HELZ: variants seen among roughly 807,000 people sequenced by gnomAD.
HELZ encodes the protein ATP-dependent RNA helicase with zinc finger domain.
HELZ carries 23 observed loss-of-function variants against 218.2 expected under a neutral mutation model. The observed-to-expected ratio is 0.11, with a 90% confidence interval of 0.08 to 0.15. The LOEUF (loss-of-function observed/expected upper bound fraction) is 0.15, where lower values mean the gene tolerates loss of function less well. HELZ is among the 10% of genes least tolerant of loss of function. The pLI is 1.00. For synonymous variants in HELZ, 814 were observed against 829.4 expected, an observed-to-expected ratio of 0.98 and a Z score of 0.32; for missense variants, 1,813 against 2,353.7, an observed-to-expected ratio of 0.77 and a Z score of 4.75.
At chr17:67,222,976 G>A (rs1184351516) in intron 3 of HELZ, among the ~76,000 whole-genome samples, 1 of 152,088 alleles carries the variant, frequency 6.6e-6, no homozygotes, top group Non-Finnish European at 1.5e-5. Context: ...GGCCGGGCAC[G>A]GTGGCTCACG....
intron 5 of HELZ, among the ~76,000 whole-genome samples, chr17:67,209,004 A>AAAGGAAGG (rs145781100): frequency 6.1e-5 from 8 of 130,184 alleles, no homozygotes; most frequent in South Asian, 5.5e-4. Context: ...AGGAAGGCAA[A>AAAGGAAGG]AAGGAAGGAA....
At position 67,109,557 on chromosome 17, in the gene HELZ, G is replaced by A. The variant is rs775515478; in HGVS notation, c.4048C>T (p.His1350Tyr). 1.5e-5 allele frequency: 25 copies of A among 1,614,070 alleles called. No individual in the cohort carries two copies. In the Admixed American group the frequency reaches 4.0e-4, roughly 26 times the overall value. The change falls in exon 29 of 33, where the codon CAC becomes TAC. Residue 1350 changes from histidine (H) to tyrosine (Y), a missense_variant. His to Tyr is a moderately conservative substitution (Grantham distance 83). This residue lies in a region of HELZ where 938 missense variants were observed against 1,027.5 expected (regional missense o/e 0.91). Coordinates refer to ENST00000358691, the MANE Select transcript of HELZ (RefSeq NM_014877.4). ...RHINLPLPAP[H>Y]AQYAIPNRHF... ...CGATTAGGGATTGCATACTGTGCGT[G>A]GGGAGCAGGAAGGGGAAGATTTATG...
chr17:67,127,086 C>T (rs1011076430), intron 24 of HELZ, among the ~76,000 whole-genome samples: 3 of 152,186 alleles, frequency 2.0e-5, no homozygotes, highest in Non-Finnish European at 4.4e-5. Flanking sequence ...CTTAAGTGAG[C>T]TTATCTTCCA....
Position 67,120,387 on chromosome 17 carries a change from C to T in HELZ, c.3838+18G>A. ...TGTCATCAGTTTATGAACAGGAGAA[C>T]AGCGAAGTACAACTTACCATTTCGA... On this transcript the variant is annotated intron_variant, in intron 27 of 32. Coordinates refer to ENST00000358691, the MANE Select transcript of HELZ (RefSeq NM_014877.4). The T allele has an allele frequency of 2.5e-6, 4 of 1,600,320 alleles. No homozygotes were observed. The South Asian group carries it at 4.4e-5, about 18-fold the overall frequency.
At chr17:67,221,874 C>T (rs1329363954) in intron 3 of HELZ, among the ~76,000 whole-genome samples, 4 of 147,758 alleles carry the variant, frequency 2.7e-5, no homozygotes, top group East Asian at 2.0e-4. Context: ...GACAGAGTCT[C>T]GCTGCGCAGC....
intron 7 of HELZ, among the ~76,000 whole-genome samples, chr17:67,198,866 T>C (rs1278295943): frequency 6.6e-6 from 1 of 152,218 alleles, no homozygotes; most frequent in Non-Finnish European, 1.5e-5. Context: ...AAAAGACTAC[T>C]ACTCTAGTTA....
chr17:67,224,851 A>G, intron 3 of HELZ: 1 of 947,458 alleles, frequency 1.1e-6, no homozygotes. Context: ...GCGTTATGAC[A>G]TGAAACAGAG....
At chr17:67,217,458 T>C (rs894004613) in intron 4 of HELZ, among the ~76,000 whole-genome samples, 1 of 152,216 alleles carries the variant, frequency 6.6e-6, no homozygotes, top group African/African-American at 2.4e-5. Context: ...CTTATCCCTT[T>C]ACAGTTTATT....
intron 27 of HELZ, among the ~76,000 whole-genome samples, chr17:67,119,202 C>T (rs1186648153): frequency 1.3e-5 from 2 of 152,162 alleles, no homozygotes; most frequent in Non-Finnish European, 2.9e-5. Flanking sequence ...CATGTATGTT[C>T]ACAGCAGCTC....
At chr17:67,206,505 T>A (rs2040300625) in intron 5 of HELZ, among the ~76,000 whole-genome samples, 1 of 152,176 alleles carries the variant, frequency 6.6e-6, no homozygotes, top group Non-Finnish European at 1.5e-5. Flanking sequence ...TGTAAAGAAT[T>A]ACCTAATATA....
intron 13 of HELZ, among the ~76,000 whole-genome samples, chr17:67,170,101 A>C (rs922099160): frequency 6.6e-6 from 1 of 152,142 alleles, no homozygotes; most frequent in Non-Finnish European, 1.5e-5. Flanking sequence ...GTCCCCCAAG[A>C]AGCTCTCACA....
intron 13 of HELZ, among the ~76,000 whole-genome samples, chr17:67,172,423 A>C (rs948340022): frequency 6.6e-6 from 1 of 152,178 alleles, no homozygotes; most frequent in African/African-American, 2.4e-5. Context: ...CTAGCATAGA[A>C]CCTAACACCT....
At chr17:67,158,019 A>AT (rs1170192890) in intron 17 of HELZ, among the ~76,000 whole-genome samples, 20 of 152,328 alleles carry the variant, frequency 1.3e-4, no homozygotes, top group Admixed American at 6.5e-4. Context: ...CTGAAACTAA[A>AT]CATGATCTAA....
intron 18 of HELZ, 118 bp downstream of exon 18, chr17:67,150,928 T>A: frequency 1.3e-6 from 1 of 796,174 alleles, no homozygotes. Flanking sequence ...CAGTAAAACT[T>A]TATTTACAAA....
At chr17:67,166,424 T>G in intron 15 of HELZ, 54 bp downstream of exon 15, 2 of 1,439,452 alleles carry the variant, frequency 1.4e-6, no homozygotes, top group Non-Finnish European at 1.9e-6. Flanking sequence ...TTGATACAGA[T>G]ATTCAATTTA....
At chr17:67,212,644 C>T (rs917444061) in intron 5 of HELZ, among the ~76,000 whole-genome samples, 6 of 152,116 alleles carry the variant, frequency 3.9e-5, no homozygotes, top group African/African-American at 1.4e-4. Flanking sequence ...GGATATACTG[C>T]TTTTGGATTT....
intron 24 of HELZ, among the ~76,000 whole-genome samples, chr17:67,126,778 C>T (rs2143868069): frequency 6.6e-6 from 1 of 152,138 alleles, no homozygotes; most frequent in Non-Finnish European, 1.5e-5. Flanking sequence ...GAAGAATTGC[C>T]TAAACCCGGG....
intron 32 of HELZ, 116 bp from the exon 33 acceptor site, chr17:67,078,702 GC>G: frequency 1.6e-6 from 1 of 626,976 alleles, no homozygotes; most frequent in Non-Finnish European, 2.5e-6. Flanking sequence ...GGACAGTATA[GC>G]CACAAGGACA....
chr17:67,154,838 T>TC lies in HELZ; in HGVS notation c.2178-3615_2178-3614insG, dbSNP rs1232753788. Among the ~76,000 whole-genome samples, 3 of 152,256 alleles carry TC rather than the reference T, an allele frequency of 2.0e-5. No homozygotes were observed. In the South Asian group the frequency reaches 6.2e-4, roughly 32 times the overall value. ...CATAAGCTATGTATAATCATTTTCT[T>TC]AAAAGGCAAGCACTGGCTCACATAA... On this transcript the variant is annotated intron_variant, in intron 17 of 32. Coordinates refer to ENST00000358691, the MANE Select transcript of HELZ (RefSeq NM_014877.4).
Sources: allele counts gnomAD v4.1 joint callset (sites outside exome capture counted in the v4.1 genomes callset), GRCh38; gene constraint gnomAD v4.1.1; regional missense constraint gnomAD v4.1.1; transcripts MANE v1.5; gene names NCBI Gene and HGNC (gene_info 2026-07-23, HGNC 2026-07-21).